Variants in C6orf89 observed in about 807,000 individuals in gnomAD.
C6orf89 encodes chromosome 6 open reading frame 89.
C6orf89 carries 29 observed loss-of-function variants against 40.7 expected under a neutral mutation model. That is an observed-to-expected ratio of 0.71 (90% CI 0.53 to 0.97). The LOEUF (loss-of-function observed/expected upper bound fraction) is 0.97. Ranked by LOEUF, C6orf89 falls within the 50% of genes least tolerant of loss-of-function variation. The probability of loss-of-function intolerance (pLI) is 0.00; values close to 1 mark genes in which losing one functional copy is unlikely to be tolerated. For missense variants in C6orf89, 392 were observed against 429.1 expected, an observed-to-expected ratio of 0.91 and a Z score of 0.76; for synonymous variants, 165 against 152.2, an observed-to-expected ratio of 1.08 and a Z score of -0.62.
chr6:36,875,141 C>T (rs1252913741), intron 1 of C6orf89: 1 of 241,542 alleles, frequency 4.1e-6, no homozygotes, highest in Non-Finnish European at 8.2e-6. Flanking sequence ...TTCTTAGTCT[C>T]ACAATTGGGC....
intron 4 of C6orf89, among the ~76,000 whole-genome samples, chr6:36,904,768 A>G (rs1253947780): frequency 6.6e-6 from 1 of 152,160 alleles, no homozygotes; most frequent in Non-Finnish European, 1.5e-5. Context: ...CCCGAAAGGA[A>G]ACCCCATATG....
intron 1 of C6orf89, chr6:36,892,676 T>G: frequency 6.6e-6 from 1 of 152,236 alleles, no homozygotes; most frequent in East Asian, 1.9e-4. Context: ...GCTCCACTCC[T>G]AACAGTTCTG....
At chr6:36,902,096 T>C (rs905865257) in intron 3 of C6orf89, 125 bp from the exon 4 acceptor site, 1 of 767,832 alleles carries the variant, frequency 1.3e-6, no homozygotes, top group East Asian at 2.6e-5. Context: ...GGCTTGTTTA[T>C]GAAAATGGAT....
Position 36,899,540 on chromosome 6 carries a change from G to A in C6orf89, c.96G>A (p.Glu32=). Residue 32 remains glutamate (E), a synonymous_variant, in exon 3 of 9, where the codon GAG becomes GAA. Coordinates refer to ENST00000480824, the MANE Select transcript of C6orf89 (RefSeq NM_001286635.2). ...RQTGHQCGMS[E]KAIEKFIRQL... is the part of the protein sequence containing the mutation. The stretch of plus-strand genomic sequence containing the variant: ...CCGGCCATCAGTGTGGCATGTCAGA[G>A]AAGGCAATTGAAAAATTTATCAGAC... The A allele has an allele frequency of 6.2e-7, 1 of 1,614,172 alleles. No homozygotes were observed. Among genetic ancestry groups the A allele is most frequent in the South Asian group, 1.1e-5 (1 of 91,088 alleles).
Position 36,899,519 on chromosome 6 carries a change from C to T in C6orf89, c.75C>T (p.Gly25=), listed in dbSNP as rs768739302. The change falls in exon 3 of 9, where the codon GGC becomes GGT. Residue 25 remains glycine (G), a synonymous_variant. Transcript: ENST00000480824. ...CTGTTGATTTGGTGAGACAGACCGG[C>T]CATCAGTGTGGCATGTCAGAGAAGG... The part of the protein sequence containing the change: ...SETVDLVRQT[G]HQCGMSEKAI... The T allele has an allele frequency of 1.2e-6, 2 of 1,614,060 alleles. No homozygotes were observed. The highest frequency in any genetic ancestry group is 1.7e-5 in the Admixed American group (1 of 59,988).
At chr6:36,908,702 C>T (rs762470016) in intron 4 of C6orf89, among the ~76,000 whole-genome samples, 5 of 152,142 alleles carry the variant, frequency 3.3e-5, no homozygotes, top group Non-Finnish European at 5.9e-5. Context: ...CATCACAGGC[C>T]GAGCAGCTTA....
chr6:36,875,651 C>T (rs897254228), intron 1 of C6orf89, among the ~76,000 whole-genome samples: 3 of 152,276 alleles, frequency 2.0e-5, no homozygotes, highest in Non-Finnish European at 4.4e-5. Context: ...ATGCTTTGCA[C>T]ACCACTTAAT....
At chr6:36,896,361 C>A (rs1485130098) in intron 2 of C6orf89, among the ~76,000 whole-genome samples, 1 of 152,190 alleles carries the variant, frequency 6.6e-6, no homozygotes, top group Non-Finnish European at 1.5e-5. Context: ...GCCACCTTGG[C>A]CTTCCAAAGC....
At chr6:36,923,007 T>C (rs10498736) in intron 8 of C6orf89, among the ~76,000 whole-genome samples, 1 of 151,896 alleles carries the variant, frequency 6.6e-6, no homozygotes, top group African/African-American at 2.4e-5. Flanking sequence ...GGAATACTTA[T>C]GCTAGGAAGT....
chr6:36,875,599 G>A (rs1774631604), intron 1 of C6orf89, among the ~76,000 whole-genome samples: 1 of 151,474 alleles, frequency 6.6e-6, no homozygotes, highest in African/African-American at 2.4e-5. Flanking sequence ...TGTTTGGAGG[G>A]AGGACAAAAA....
intron 6 of C6orf89, among the ~76,000 whole-genome samples, chr6:36,915,382 C>T (rs1299842582): frequency 1.3e-5 from 2 of 152,148 alleles, no homozygotes; most frequent in South Asian, 4.1e-4. Context: ...GTCTGTGTCT[C>T]ACTGGGGACA....
At chr6:36,872,145 T>C (rs1774523782) in intron 1 of C6orf89, among the ~76,000 whole-genome samples, 1 of 152,032 alleles carries the variant, frequency 6.6e-6, no homozygotes, top group Admixed American at 6.6e-5. Context: ...TATACATATA[T>C]ACATATGTAT....
At chr6:36,879,357 G>GAAC (rs1367650166) in intron 2 of C6orf89, among the ~76,000 whole-genome samples, 5 of 152,102 alleles carry the variant, frequency 3.3e-5, no homozygotes, top group South Asian at 2.1e-4. Flanking sequence ...GCTCTGGCCG[G>GAAC]AACAACAACA....
chr6:36,923,383 T>C lies in C6orf89; in HGVS notation c.986T>C (p.Ile329Thr), dbSNP rs541643353. 28 of 1,614,186 alleles carry C rather than the reference T, an allele frequency of 1.7e-5. No homozygotes were observed. In the South Asian group the frequency reaches 3.0e-4, roughly 17 times the overall value. ...VDTTHWKVYV[I>T]ARGVQPLVIC... The stretch of plus-strand genomic sequence containing the variant: ...ACCACCCACTGGAAGGTCTACGTTA[T>C]AGCCAGAGGGGTCCAGCCTTTGGTC... The change falls in exon 9 of 9, where the codon ATA becomes ACA. Residue 329 changes from isoleucine (I) to threonine (T), a missense_variant. Transcript: ENST00000480824.
chr6:36,892,645 C>T (rs1761248411), intron 1 of C6orf89: 1 of 152,234 alleles, frequency 6.6e-6, no homozygotes, highest in African/African-American at 2.4e-5. Context: ...AGAGAAGAGG[C>T]TTGAAAGCGT....
intron 4 of C6orf89, among the ~76,000 whole-genome samples, chr6:36,912,621 A>C (rs1028430736): frequency 6.6e-6 from 1 of 152,212 alleles, no homozygotes; most frequent in South Asian, 2.1e-4. Flanking sequence ...CTACCCCCAG[A>C]GTACTGTGGG....
intron 4 of C6orf89, among the ~76,000 whole-genome samples, chr6:36,903,225 TTG>T (rs10597547): frequency 0.23 from 35,086 of 150,144 alleles, 4,169 homozygotes; most frequent in East Asian, 0.31. Flanking sequence ...GCCTCCAATT[TTG>T]TGTGTGTGTG....
chr6:36,882,863 G>A (rs1258098332), upstream of C6orf89, among the ~76,000 whole-genome samples: 5 of 150,778 alleles, frequency 3.3e-5, no homozygotes, highest in Non-Finnish European at 5.9e-5. Context: ...TCAGCCTCCC[G>A]AGTAGCTGGG....
chr6:36,903,285 G>C (rs1219047125), intron 4 of C6orf89, among the ~76,000 whole-genome samples: 1 of 151,850 alleles, frequency 6.6e-6, no homozygotes, highest in Non-Finnish European at 1.5e-5. Flanking sequence ...ATATTATTTT[G>C]GGATTTTTTT....
Sources: allele counts gnomAD v4.1 joint callset (sites outside exome capture counted in the v4.1 genomes callset), GRCh38; gene constraint gnomAD v4.1.1; transcripts MANE v1.5; gene names NCBI Gene and HGNC (gene_info 2026-07-23, HGNC 2026-07-21).